The following ACKR3 variants were observed in gnomAD, a reference collection of about 807,000 sequenced individuals.
The protein encoded by ACKR3 is C-X-C chemokine receptor type 7.
ACKR3 carries 6 observed loss-of-function variants against 22.4 expected under a neutral mutation model. The ratio of observed to expected loss-of-function variants is 0.27; its 90% CI spans 0.15 to 0.53. The LOEUF (loss-of-function observed/expected upper bound fraction) is 0.53, where lower values mean the gene tolerates loss of function less well. Ranked by LOEUF, ACKR3 falls within the 20% of genes least tolerant of loss-of-function variation. The pLI, the probability that ACKR3 is intolerant of heterozygous loss-of-function variation, is 0.96. For synonymous variants in ACKR3, 209 were observed against 205.2 expected, an observed-to-expected ratio of 1.02 and a Z score of -0.16; for missense variants, 396 against 475.2, an observed-to-expected ratio of 0.83 and a Z score of 1.55.
rs73997411 is a variant in ACKR3, at chr2:236,573,208, C to A, written c.-27+3284C>A. ...CACACATGCACACACACACACACCC[C>A]ACTCAATGATGCGCAGTTGCCTAAT... On this transcript the variant is annotated intron_variant, in intron 1 of 1. Transcript: ENST00000272928. 1.8e-3 allele frequency among the ~76,000 whole-genome samples: 279 copies of A among 151,008 alleles called. 1 individual carries two copies. The highest frequency in any genetic ancestry group is 6.5e-3 in the African/African-American group (264 of 40,332).
the ACKR3 span, among the ~76,000 whole-genome samples, chr2:236,554,503 C>G: frequency 2.0e-5 from 3 of 152,132 alleles, no homozygotes; most frequent in Admixed American, 2.0e-4. Flanking sequence ...ACCCCTAGGG[C>G]TGAGATAGGG....
At position 236,580,842 on chromosome 2, in the gene ACKR3, T is replaced by A. The variant is rs1375627463; in HGVS notation, c.377T>A (p.Ile126Asn). 9.9e-6 allele frequency: 16 copies of A among 1,614,104 alleles called. No homozygotes were observed. Among genetic ancestry groups the A allele is most frequent in the Non-Finnish European group, 1.4e-5 (16 of 1,180,052 alleles). ...AAAGTCACACACCTCATCTTCTCCA[T>A]CAACCTCTTCGGCAGCATTTTCTTC... ...TCKVTHLIFS[I>N]NLFGSIFFLT... is the part of the protein sequence containing the mutation. Residue 126 changes from isoleucine (I) to asparagine (N), a missense_variant, in exon 2 of 2, where the codon ATC becomes AAC. Coordinates refer to ENST00000272928, the MANE Select transcript of ACKR3 (RefSeq NM_020311.3).
At chr2:236,542,010 A>G in the ACKR3 span, among the ~76,000 whole-genome samples, 1 of 152,242 alleles carries the variant, frequency 6.6e-6, no homozygotes, top group East Asian at 1.9e-4. Context: ...GCAGCATGAG[A>G]ACGAACTAAA....
rs1213583142 is a variant in ACKR3 at position 236,569,901 on chromosome 2, C to G, written c.-50C>G. The G allele has an allele frequency of 6.5e-6, 1 of 152,842 alleles. No individual in the cohort carries two copies. The highest frequency in any genetic ancestry group is 1.5e-5 in the Non-Finnish European group (1 of 68,584). 9.5% of individuals were successfully genotyped at this position (152,842 alleles called of 1,614,324 possible). ...AGGAAGGCGAGCGAGCCCAGCCAGC[C>G]CAGCCAGCCCAGCCAGCCCGGAGGT... is the stretch of plus-strand genomic sequence containing the variant. On this transcript the variant is annotated 5_prime_UTR_variant, in exon 1 of 2. Transcript: ENST00000272928.
At chr2:236,547,144 G>T in the ACKR3 span, among the ~76,000 whole-genome samples, 1 of 152,224 alleles carries the variant, frequency 6.6e-6, no homozygotes, top group African/African-American at 2.4e-5. Context: ...TGAGACCTCA[G>T]CAATAATGAT....
At chr2:236,561,169 C>T in the ACKR3 span, among the ~76,000 whole-genome samples, 1 of 152,134 alleles carries the variant, frequency 6.6e-6, no homozygotes, top group East Asian at 1.9e-4. Flanking sequence ...ATGGGAATTA[C>T]TAATCAGTAA....
At chr2:236,547,466 C>T in the ACKR3 span, among the ~76,000 whole-genome samples, 1 of 152,158 alleles carries the variant, frequency 6.6e-6, no homozygotes, top group Non-Finnish European at 1.5e-5. Context: ...TACCGACAAG[C>T]AGATTATTTT....
rs181205937 is a variant in ACKR3 at position 236,579,306 on chromosome 2, G to A, written c.-26-1134G>A. ...AGTCATTACCTGGGACAGGTGAGGG[G>A]GAAGGGCAACCACCTGACTATGTCA... On this transcript the variant is annotated intron_variant, in intron 1 of 1. Transcript: ENST00000272928. Among the ~76,000 whole-genome samples, 344 of 152,320 alleles carry A rather than the reference G, an allele frequency of 2.3e-3. 2 individuals are homozygous for A. The highest frequency in any genetic ancestry group is 7.9e-3 in the African/African-American group (329 of 41,574).
the ACKR3 span, among the ~76,000 whole-genome samples, chr2:236,541,094 G>A: frequency 6.6e-6 from 1 of 152,144 alleles, no homozygotes; most frequent in Non-Finnish European, 1.5e-5. Flanking sequence ...AAAAAGCATT[G>A]ACTGGCTATC....
At position 236,580,832 on chromosome 2, in the gene ACKR3, A is replaced by G; in HGVS notation, c.367A>G (p.Ile123Val). The change falls in exon 2 of 2, where the codon ATC becomes GTC. Residue 123 changes from isoleucine to valine, a missense_variant. By Grantham distance (29) the Ile-to-Val change is conservative. Transcript: ENST00000272928. ...GELTCKVTHL[I>V]FSINLFGSIF... ...GCTCACGTGCAAAGTCACACACCTC[A>G]TCTTCTCCATCAACCTCTTCGGCAG... is the stretch of plus-strand genomic sequence containing the variant. 1 of 1,614,120 alleles carries G rather than the reference A, an allele frequency of 6.2e-7. No homozygotes were observed. The highest frequency in any genetic ancestry group is 8.5e-7 in the Non-Finnish European group (1 of 1,180,040).
At chr2:236,545,391 C>T in the ACKR3 span, among the ~76,000 whole-genome samples, 3 of 152,146 alleles carry the variant, frequency 2.0e-5, no homozygotes, top group Non-Finnish European at 2.9e-5. This position sits in a 1 kb window ranked among gnomAD's most constrained non-coding sequence, Gnocchi z 5.3. Context: ...CTTCATTTAC[C>T]GTCTCAAAGT....
upstream of ACKR3, among the ~76,000 whole-genome samples, chr2:236,565,802 C>T (rs143530259): frequency 1.5e-3 from 226 of 152,268 alleles, 1 homozygote; most frequent in Admixed American, 3.7e-3. Context: ...AACCCAATTC[C>T]CTTGAGTTGA....
chr2:236,581,614 A>T lies in ACKR3; in HGVS notation c.*60A>T, dbSNP rs536506618. 18 of 1,549,832 alleles carry T rather than the reference A, an allele frequency of 1.2e-5. No individual in the cohort carries two copies. Among genetic ancestry groups the T allele is most frequent in the African/African-American group, 6.9e-5 (5 of 72,978 alleles). The stretch of plus-strand genomic sequence containing the variant: ...GTTTTTGAACAGGGTGATGGGCCCT[A>T]TGGTTTTCTAGAGCAAAGCAAAGTA... On this transcript the variant is annotated 3_prime_UTR_variant, in exon 2 of 2. Coordinates refer to ENST00000272928, the MANE Select transcript of ACKR3 (RefSeq NM_020311.3). The surrounding 1 kb of genome is among the most constrained non-coding windows in gnomAD (Gnocchi z 4.4).
upstream of ACKR3, among the ~76,000 whole-genome samples, chr2:236,568,427 C>G (rs1691234448): frequency 6.6e-6 from 1 of 152,206 alleles, no homozygotes. Context: ...TGTGGGTAGA[C>G]GCAGCCGCTG....
the ACKR3 span, among the ~76,000 whole-genome samples, chr2:236,550,234 G>A: frequency 6.6e-6 from 1 of 152,158 alleles, no homozygotes; most frequent in Non-Finnish European, 1.5e-5. The surrounding 1 kb of genome is among the most constrained non-coding windows in gnomAD (Gnocchi z 4.6). Flanking sequence ...ATCCTTCTTC[G>A]TGCCTGCCCC....
the ACKR3 span, among the ~76,000 whole-genome samples, chr2:236,551,603 G>A: frequency 6.6e-6 from 1 of 152,178 alleles, no homozygotes. Flanking sequence ...TGTAAAAATG[G>A]ACTGTGTCCA....
chr2:236,571,243 G>C (rs1217155201), intron 1 of ACKR3, among the ~76,000 whole-genome samples: 1 of 152,160 alleles, frequency 6.6e-6, no homozygotes, highest in Admixed American at 6.5e-5. Context: ...CTCTAGCTTG[G>C]AAACAATTTG....
the ACKR3 span, among the ~76,000 whole-genome samples, chr2:236,554,772 C>A: frequency 6.6e-6 from 1 of 152,236 alleles, no homozygotes; most frequent in Admixed American, 6.5e-5. Flanking sequence ...AACTAGGAAA[C>A]AAAACCCTTC....
At chr2:236,571,909 C>T (rs1413653465) in intron 1 of ACKR3, among the ~76,000 whole-genome samples, 1 of 152,030 alleles carries the variant, frequency 6.6e-6, no homozygotes, top group Non-Finnish European at 1.5e-5. Context: ...ACCTTTAAAC[C>T]AGGCAATCAA....
Sources: allele counts gnomAD v4.1 joint callset (sites outside exome capture counted in the v4.1 genomes callset), GRCh38; gene constraint gnomAD v4.1.1; non-coding constraint Gnocchi (gnomAD v3.1); transcripts MANE v1.5; gene names NCBI Gene and HGNC (gene_info 2026-07-23, HGNC 2026-07-21).